Variants in CFAP300 observed in about 807,000 individuals in gnomAD.
CFAP300 encodes the protein cilia and flagella associated protein 300.
CFAP300 carries 32 observed loss-of-function variants against 33.0 expected under a neutral mutation model. The ratio of observed to expected loss-of-function variants is 0.97; its 90% CI spans 0.73 to 1.30. The LOEUF (loss-of-function observed/expected upper bound fraction) is 1.30, where lower values mean the gene tolerates loss of function less well. Ranked by LOEUF, CFAP300 falls within the 50% of genes most tolerant of loss-of-function variation. The pLI is 0.00. For missense variants in CFAP300, 356 were observed against 318.1 expected, an observed-to-expected ratio of 1.12 and a Z score of -0.90; for synonymous variants, 102 against 106.8, an observed-to-expected ratio of 0.95 and a Z score of 0.28.
rs187104850 is a variant in CFAP300, at chr11:102,084,169, A to T, written c.*970A>T. 6.6e-6 allele frequency: 1 copy of T among 152,240 alleles called. No homozygotes were observed. The highest frequency in any genetic ancestry group is 2.4e-5 in the African/African-American group (1 of 41,464). The allele number at this position is 152,240 out of a possible 1,614,324, so 9.4% of individuals were successfully genotyped here. ...TCGTTCAAAGAGTGAGAAGCAGGTT[A>T]TCTTAGTACTGTTCCTTATTTCATT... On this transcript the variant is annotated 3_prime_UTR_variant, in exon 7 of 7. Transcript: ENST00000434758.
chr11:102,059,070 A>G, intron 3 of CFAP300, 115 bp downstream of exon 3: 4 of 593,172 alleles, frequency 6.7e-6, no homozygotes, highest in Non-Finnish European at 5.8e-6. Context: ...TTGATACATC[A>G]AGATCAAATA....
chr11:102,053,552 AAAC>A (rs1174142143), intron 2 of CFAP300, among the ~76,000 whole-genome samples: 2 of 39,296 alleles, frequency 5.1e-5, no homozygotes, highest in Non-Finnish European at 4.5e-5. Flanking sequence ...ACTCCATCAA[AAAC>A]AAACAAACAA....
chr11:102,047,648 C>A, intron 1 of CFAP300, 68 bp downstream of exon 1: 1 of 1,485,770 alleles, frequency 6.7e-7, no homozygotes, highest in Non-Finnish European at 9.1e-7. Flanking sequence ...GCAGGCCGGG[C>A]GTCGAGGGGC....
intron 2 of CFAP300, among the ~76,000 whole-genome samples, chr11:102,057,612 T>C (rs961818667): frequency 8.5e-5 from 13 of 152,222 alleles, no homozygotes; most frequent in African/African-American, 2.2e-4. Flanking sequence ...GGGAGTAACT[T>C]TTGGGAAGTC....
intron 2 of CFAP300, among the ~76,000 whole-genome samples, chr11:102,053,837 A>G (rs1046530554): frequency 6.6e-6 from 1 of 152,222 alleles, no homozygotes; most frequent in Non-Finnish European, 1.5e-5. Flanking sequence ...TGCAAGGTCA[A>G]TTTAACTCCC....
At chr11:102,075,192 C>G (rs1010573922) in intron 4 of CFAP300, among the ~76,000 whole-genome samples, 2 of 152,122 alleles carry the variant, frequency 1.3e-5, no homozygotes, top group Non-Finnish European at 2.9e-5. Context: ...CCTTTTTATA[C>G]CCACTACAAT....
In CFAP300 at chr11:102,078,653, G is replaced by A. The variant is rs113524229; in HGVS notation, c.609-2562G>A. 2.8e-3 allele frequency among the ~76,000 whole-genome samples: 423 copies of A among 152,178 alleles called. 2 individuals are homozygous for A. Among genetic ancestry groups the A allele is most frequent in the African/African-American group, 1.0e-2 (414 of 41,528 alleles). ...TGATTTCTTTCTATTAGAAACTAAC[G>A]TCTAATAATGTACAAATGGTGGTTT... is the stretch of plus-strand genomic sequence containing the variant. On this transcript the variant is annotated intron_variant, in intron 5 of 6. Coordinates refer to ENST00000434758, the MANE Select transcript of CFAP300 (RefSeq NM_032930.3).
intron 3 of CFAP300, among the ~76,000 whole-genome samples, chr11:102,063,484 TATG>T (rs772659475): frequency 7.9e-5 from 12 of 152,248 alleles, no homozygotes; most frequent in Non-Finnish European, 1.2e-4. Context: ...ATCCAATTTT[TATG>T]ATATTTAGAA....
intron 2 of CFAP300, among the ~76,000 whole-genome samples, chr11:102,055,695 CG>C (rs1942044228): frequency 9.1e-6 from 1 of 110,424 alleles, no homozygotes; most frequent in Non-Finnish European, 1.8e-5. Context: ...TTTTTTGAGA[CG>C]GAGTCTCGCT....
chr11:102,065,665 G>A (rs962388046), intron 3 of CFAP300, among the ~76,000 whole-genome samples: 1 of 151,760 alleles, frequency 6.6e-6, no homozygotes, highest in South Asian at 2.1e-4. Context: ...TACTCGGGAG[G>A]CTGAGGCAGG....
intron 4 of CFAP300, 74 bp from the exon 5 acceptor site, chr11:102,075,799 A>G: frequency 8.2e-7 from 1 of 1,219,116 alleles, no homozygotes; most frequent in Non-Finnish European, 1.2e-6. Flanking sequence ...TTTTAAGTCT[A>G]TAAAATGAAA....
chr11:102,047,834 A>C lies in CFAP300; in HGVS notation c.130A>C (p.Lys44Gln). ...CCCCAGGTCCATGCTGGGCAGAATCAAGGCGCAGGCGTTCGGCTTTGACCA... is the reference window on the plus strand; with the variant it reads ...CCCCAGGTCCATGCTGGGCAGAATCCAGGCGCAGGCGTTCGGCTTTGACCA... ...LRQWSMLGRI[K>Q]AQAFGFDQTF... is the part of the protein sequence containing the mutation. Residue 44 changes from lysine (K) to glutamine (Q), a missense_variant, in exon 2 of 7, where the codon AAG becomes CAG. By Grantham distance (53) the Lys-to-Gln change is moderately conservative. Coordinates refer to ENST00000434758, the MANE Select transcript of CFAP300 (RefSeq NM_032930.3). The C allele has an allele frequency of 6.2e-7, 1 of 1,614,026 alleles. No individual in the cohort carries two copies. Among genetic ancestry groups the C allele is most frequent in the South Asian group, 1.1e-5 (1 of 91,072 alleles).
intron 2 of CFAP300, among the ~76,000 whole-genome samples, chr11:102,053,100 G>A (rs561550846): frequency 3.2e-4 from 49 of 152,124 alleles, no homozygotes; most frequent in Non-Finnish European, 6.6e-4. Context: ...ATGGTGGCAG[G>A]TGCCTGTAAT....
chr11:102,081,192 G>A (rs1471667590), intron 5 of CFAP300, 23 bp from the exon 6 acceptor site: 1 of 1,573,620 alleles, frequency 6.4e-7, no homozygotes, highest in Admixed American at 1.8e-5. Flanking sequence ...TATGTTAAAA[G>A]CACCTTTTCT....
chr11:102,072,803 C>T (rs574242712), intron 4 of CFAP300, among the ~76,000 whole-genome samples: 62 of 152,010 alleles, frequency 4.1e-4, no homozygotes, highest in African/African-American at 1.4e-3. Flanking sequence ...GACTTTTTCC[C>T]GAAGATGTAC....
intron 5 of CFAP300, among the ~76,000 whole-genome samples, chr11:102,078,755 C>T (rs1356490671): frequency 1.3e-5 from 2 of 152,112 alleles, no homozygotes; most frequent in Non-Finnish European, 2.9e-5. Flanking sequence ...ATCGCCCAGG[C>T]TGGAATGCAG....
intron 4 of CFAP300, among the ~76,000 whole-genome samples, chr11:102,068,506 G>A (rs955990279): frequency 1.3e-5 from 2 of 152,170 alleles, no homozygotes; most frequent in Non-Finnish European, 2.9e-5. Flanking sequence ...AATATACATG[G>A]CTGGGCGTGG....
chr11:102,056,962 C>T (rs528737492), intron 2 of CFAP300, among the ~76,000 whole-genome samples: 1 of 151,988 alleles, frequency 6.6e-6, no homozygotes, highest in South Asian at 2.1e-4. Flanking sequence ...TTATCCTTTG[C>T]TGACATGTGC....
rs1942227240 is a variant in CFAP300, at chr11:102,066,476, T to G, written c.269-9T>G. The G allele has an allele frequency of 6.4e-7, 1 of 1,561,274 alleles. No homozygotes were observed. Among genetic ancestry groups the G allele is most frequent in the Admixed American group, 1.9e-5 (1 of 52,132 alleles). ...CTATCTCCATTCTTTATAAAATATC[T>G]TTTTTCAGGAACTGAAGTGAAAAAA... On this transcript the variant is annotated splice_polypyrimidine_tract_variant and intron_variant, in intron 3 of 6. Coordinates refer to ENST00000434758, the MANE Select transcript of CFAP300 (RefSeq NM_032930.3).
Sources: gnomAD v4.1 joint callset for allele counts (sites outside exome capture counted in the v4.1 genomes callset) on GRCh38, gnomAD v4.1.1 for gene constraint, MANE v1.5 for transcripts, NCBI Gene and HGNC (gene_info 2026-07-23, HGNC 2026-07-21) for gene names.